The following TBC1D22A variants were observed in gnomAD, a reference collection of about 807,000 sequenced individuals.
TBC1D22A encodes putative GTPase activator.
In TBC1D22A, 38 loss-of-function variants were observed where a neutral mutation model predicts 60.2. The observed-to-expected ratio is 0.63, with a 90% confidence interval of 0.49 to 0.83. The LOEUF (loss-of-function observed/expected upper bound fraction) is 0.83. Ranked by LOEUF, TBC1D22A falls within the 40% of genes least tolerant of loss-of-function variation. TBC1D22A has a pLI of 0.00. For synonymous variants in TBC1D22A, 302 were observed against 281.7 expected (o/e 1.07, Z -0.72); for missense variants, 628 against 701.0 (o/e 0.90, Z 1.18).
Position 47,132,584 on chromosome 22 carries a change from C to T in TBC1D22A, c.1425+20981C>T, listed in dbSNP as rs573219062. ...TCCGACCCCACAGGACATGAGCTGC[C>T]TCCTTGCCTGGGTCCTGCTTCTCCC... On this transcript the variant is annotated intron_variant, in intron 12 of 12. Transcript: ENST00000337137. Among the ~76,000 whole-genome samples the T allele has an allele frequency of 2.0e-5, 3 of 152,366 alleles. No individual in the cohort carries two copies. In the South Asian group the frequency reaches 6.2e-4, roughly 32 times the overall value.
rs372697230 is a variant in TBC1D22A, at chr22:47,151,017, C to T, written c.1426-22481C>T. On this transcript the variant is annotated intron_variant, in intron 12 of 12. Transcript: ENST00000337137. ...TGGCCTTGCTCTTCCTGCTGTGATG[C>T]TGGGGCCATGGGGTCTCAGAGAGGA... Among the ~76,000 whole-genome samples, 16 of 152,260 alleles carry T rather than the reference C, an allele frequency of 1.1e-4. No individual in the cohort carries two copies. The South Asian group carries it at 3.3e-3, about 32-fold the overall frequency.
intron 8 of TBC1D22A, among the ~76,000 whole-genome samples, chr22:46,966,924 G>A (rs1166274639): frequency 2.6e-5 from 4 of 152,102 alleles, no homozygotes; most frequent in African/African-American, 7.2e-5. Flanking sequence ...AGAGTGTGTC[G>A]GTTCTCATCA....
intron 12 of TBC1D22A, among the ~76,000 whole-genome samples, chr22:47,158,734 C>T (rs1253200501): frequency 6.6e-6 from 1 of 152,116 alleles, no homozygotes; most frequent in Non-Finnish European, 1.5e-5. Flanking sequence ...GACAGGGCAG[C>T]GGAGCCTCAC....
intron 7 of TBC1D22A, among the ~76,000 whole-genome samples, chr22:46,904,117 A>ATCTC (rs2069226807): frequency 1.3e-5 from 1 of 75,862 alleles, no homozygotes; most frequent in African/African-American, 5.8e-5. Flanking sequence ...CTATCTATCT[A>ATCTC]TCTATCTATC....
intron 8 of TBC1D22A, among the ~76,000 whole-genome samples, chr22:46,969,400 C>T (rs1225667439): frequency 6.6e-6 from 1 of 150,860 alleles, no homozygotes; most frequent in East Asian, 2.0e-4. Context: ...AGATGCAGTG[C>T]TAGACTTTTC....
chr22:47,159,550 CACATT>C (rs1018172222), intron 12 of TBC1D22A, among the ~76,000 whole-genome samples: 4 of 150,272 alleles, frequency 2.7e-5, no homozygotes, highest in African/African-American at 7.4e-5. Flanking sequence ...GATGTATACT[CACATT>C]ACACACACAC....
chr22:47,064,786 A>G (rs943454475), intron 11 of TBC1D22A, among the ~76,000 whole-genome samples: 1 of 152,210 alleles, frequency 6.6e-6, no homozygotes, highest in Non-Finnish European at 1.5e-5. Flanking sequence ...CTGGCCCATT[A>G]CGGTGTCAGG....
intron 8 of TBC1D22A, among the ~76,000 whole-genome samples, chr22:46,943,084 G>A (rs80199334): frequency 0.026 from 4,033 of 152,266 alleles, 164 homozygotes; most frequent in Admixed American, 0.084. Context: ...GAGGACTTCC[G>A]CAGGTGTCAG....
At chr22:47,038,308 G>A (rs2062722847) in intron 11 of TBC1D22A, among the ~76,000 whole-genome samples, 1 of 152,344 alleles carries the variant, frequency 6.6e-6, no homozygotes, top group South Asian at 2.1e-4. Flanking sequence ...GGGGGCAGCT[G>A]CCCTTGGAGG....
intron 9 of TBC1D22A, among the ~76,000 whole-genome samples, chr22:46,994,463 G>C (rs1217074470): frequency 6.6e-6 from 1 of 152,186 alleles, no homozygotes; most frequent in Non-Finnish European, 1.5e-5. Flanking sequence ...GTCCAGGAGA[G>C]GCAGCAGCTG....
intron 4 of TBC1D22A, among the ~76,000 whole-genome samples, chr22:46,857,720 T>G (rs2147324888): frequency 6.6e-6 from 1 of 152,268 alleles, no homozygotes; most frequent in South Asian, 2.1e-4. Context: ...TGGATTCATA[T>G]AAATGGAATC....
intron 12 of TBC1D22A, among the ~76,000 whole-genome samples, chr22:47,140,403 C>G (rs1020138471): frequency 3.3e-5 from 5 of 151,684 alleles, no homozygotes; most frequent in Admixed American, 2.6e-4. Flanking sequence ...ACTAAAAATA[C>G]AAAAAATTAG....
intron 2 of TBC1D22A, among the ~76,000 whole-genome samples, chr22:46,793,014 G>C (rs1252124900): frequency 2.0e-5 from 3 of 152,272 alleles, no homozygotes; most frequent in Non-Finnish European, 2.9e-5. Context: ...GACCCTGCAG[G>C]ACTGCACCTG....
At chr22:46,911,521 T>C (rs1415154589) in intron 7 of TBC1D22A, among the ~76,000 whole-genome samples, 1 of 152,206 alleles carries the variant, frequency 6.6e-6, no homozygotes, top group African/African-American at 2.4e-5. Flanking sequence ...AGCAGAGCGC[T>C]TCTGCTGGGA....
chr22:46,903,136 A>C (rs574078906), intron 7 of TBC1D22A, among the ~76,000 whole-genome samples: 2 of 152,166 alleles, frequency 1.3e-5, no homozygotes, highest in South Asian at 4.2e-4. Context: ...CTCTTTCCTC[A>C]GGGGACTCTG....
At chr22:47,073,535 A>T (rs1169676355) in intron 11 of TBC1D22A, among the ~76,000 whole-genome samples, 1 of 152,162 alleles carries the variant, frequency 6.6e-6, no homozygotes, top group Non-Finnish European at 1.5e-5. Context: ...ATATACAATG[A>T]TTGTGTGTAC....
intron 11 of TBC1D22A, among the ~76,000 whole-genome samples, chr22:47,103,788 A>G (rs2065510630): frequency 1.3e-5 from 2 of 152,152 alleles, no homozygotes; most frequent in South Asian, 2.1e-4. Context: ...ATCTTGCCCA[A>G]ATTCCTGTTT....
chr22:46,835,774 T>G (rs1055724143), intron 4 of TBC1D22A, among the ~76,000 whole-genome samples: 3 of 152,114 alleles, frequency 2.0e-5, no homozygotes, highest in African/African-American at 7.2e-5. Flanking sequence ...AAGTCTATAC[T>G]GAAACACAAT....
intron 5 of TBC1D22A, among the ~76,000 whole-genome samples, chr22:46,886,285 A>G (rs56896788): frequency 0.016 from 2,467 of 152,338 alleles, 70 homozygotes; most frequent in African/African-American, 0.056. Context: ...CCAGGTGGGA[A>G]TAATGGCCAC....
Sources: gnomAD v4.1 joint callset for allele counts (sites outside exome capture counted in the v4.1 genomes callset) on GRCh38, gnomAD v4.1.1 for gene constraint, MANE v1.5 for transcripts, NCBI Gene and HGNC (gene_info 2026-07-23, HGNC 2026-07-21) for gene names.